The following LSAMP variants were observed in gnomAD, a reference collection of about 807,000 sequenced individuals.
LSAMP encodes limbic system-associated membrane protein.
Under a neutral mutation model 38.6 loss-of-function variants are expected in LSAMP, and 7 were observed. The observed-to-expected ratio is 0.18, with a 90% CI of 0.10 to 0.34. The LOEUF (loss-of-function observed/expected upper bound fraction) is 0.34. Ranked by LOEUF, LSAMP falls within the 10% of genes least tolerant of loss-of-function variation. LSAMP has a pLI of 1.00. For missense variants in LSAMP, 313 were observed against 420.0 expected (o/e 0.75, Z 2.23); for synonymous variants, 154 against 166.8 (o/e 0.92, Z 0.59).
chr3:116,283,342 C>G (rs1305531752), intron 1 of LSAMP, among the ~76,000 whole-genome samples: 2 of 152,132 alleles, frequency 1.3e-5, no homozygotes, highest in Non-Finnish European at 1.5e-5. Flanking sequence ...TAAACCATGA[C>G]AAGTATACAG....
intron 3 of LSAMP, among the ~76,000 whole-genome samples, chr3:115,853,211 CTCT>C (rs1426454367): frequency 6.6e-6 from 1 of 152,238 alleles, no homozygotes; most frequent in African/African-American, 2.4e-5. Context: ...GAAACCACCA[CTCT>C]TCTTCAGATT....
intron 2 of LSAMP, among the ~76,000 whole-genome samples, chr3:116,066,444 C>T (rs1707430689): frequency 6.6e-6 from 1 of 152,208 alleles, no homozygotes; most frequent in Non-Finnish European, 1.5e-5. Context: ...GTCTTCACTT[C>T]ACTTGTAAAC....
At chr3:116,438,365 G>A (rs1489213579) in intron 1 of LSAMP, among the ~76,000 whole-genome samples, 1 of 152,132 alleles carries the variant, frequency 6.6e-6, no homozygotes, top group East Asian at 1.9e-4. Context: ...AATAGCTTGT[G>A]TAGTAGGCAA....
chr3:116,242,779 T>G (rs2046555318), intron 1 of LSAMP, among the ~76,000 whole-genome samples: 1 of 151,792 alleles, frequency 6.6e-6, no homozygotes, highest in African/African-American at 2.4e-5. Flanking sequence ...AAAAAAACAC[T>G]AAAGATTGTC....
At chr3:116,374,826 C>A (rs950629543) in intron 1 of LSAMP, among the ~76,000 whole-genome samples, 3 of 151,906 alleles carry the variant, frequency 2.0e-5, no homozygotes, top group Non-Finnish European at 4.4e-5. Context: ...TGAAAGATCA[C>A]AAACTGAGCT....
intron 1 of LSAMP, among the ~76,000 whole-genome samples, chr3:116,115,578 T>C (rs1255860398): frequency 6.6e-6 from 1 of 152,302 alleles, no homozygotes; most frequent in East Asian, 1.9e-4. Flanking sequence ...ATTATTTTGG[T>C]AGAAAACATC....
intron 1 of LSAMP, among the ~76,000 whole-genome samples, chr3:116,398,692 T>C (rs910987339): frequency 5.9e-5 from 9 of 152,140 alleles, no homozygotes; most frequent in Admixed American, 5.2e-4. Context: ...GAGTCTGTAA[T>C]TTAGAAAATA....
intron 1 of LSAMP, among the ~76,000 whole-genome samples, chr3:116,335,505 A>G (rs1209912871): frequency 6.6e-6 from 1 of 152,086 alleles, no homozygotes; most frequent in Non-Finnish European, 1.5e-5. Context: ...GCACTGGCAT[A>G]TAGACAGACA....
At chr3:116,166,051 G>A (rs563114799) in intron 1 of LSAMP, among the ~76,000 whole-genome samples, 52 of 152,264 alleles carry the variant, frequency 3.4e-4, no homozygotes, top group Admixed American at 2.3e-3. Flanking sequence ...GGTGGGCCAG[G>A]GAACTTGTCT....
chr3:116,030,896 G>A (rs941004391), intron 2 of LSAMP, among the ~76,000 whole-genome samples: 2 of 151,992 alleles, frequency 1.3e-5, no homozygotes, highest in South Asian at 2.1e-4. Flanking sequence ...CTTATTCCAG[G>A]GGAAGCCAGT....
chr3:116,389,148 G>A (rs529276493), intron 1 of LSAMP, among the ~76,000 whole-genome samples: 1 of 152,270 alleles, frequency 6.6e-6, no homozygotes, highest in East Asian at 1.9e-4. Flanking sequence ...CTGACCTTGG[G>A]CCAAGACAAT....
rs576059215 is a variant in LSAMP at position 115,803,273 on chromosome 3, T to C, written c.*7044A>G. 2 of 152,194 alleles carry C rather than the reference T, an allele frequency of 1.3e-5. No individual in the cohort carries two copies. The highest frequency in any genetic ancestry group is 2.9e-5 in the Non-Finnish European group (2 of 68,040). The allele number at this position is 152,194 out of a possible 1,614,324, so 9.4% of individuals were successfully genotyped here. On this transcript the variant is annotated 3_prime_UTR_variant, in exon 7 of 7. Transcript: ENST00000490035. ...ATAAGTAATCTAAGCACATCATATA[T>C]CCTTACCTACACAAAGTGATGTGAT...
chr3:115,941,717 C>T (rs970752559), intron 3 of LSAMP, among the ~76,000 whole-genome samples: 5 of 152,046 alleles, frequency 3.3e-5, no homozygotes, highest in African/African-American at 9.7e-5. Context: ...AAATACTGTA[C>T]GTTCTCACTT....
At chr3:115,949,434 T>C in intron 3 of LSAMP, among the ~76,000 whole-genome samples, 1 of 152,050 alleles carries the variant, frequency 6.6e-6, no homozygotes, top group East Asian at 1.9e-4. Context: ...AAAAGGTCAT[T>C]CAAGGCTACT....
intron 1 of LSAMP, among the ~76,000 whole-genome samples, chr3:116,267,240 T>G (rs571573796): frequency 6.6e-6 from 1 of 152,216 alleles, no homozygotes; most frequent in East Asian, 1.9e-4. Context: ...CAATGGAATG[T>G]TAGAAATGTA....
intron 2 of LSAMP, among the ~76,000 whole-genome samples, chr3:116,083,116 G>A (rs1398750712): frequency 1.3e-5 from 2 of 152,074 alleles, no homozygotes; most frequent in African/African-American, 4.8e-5. Context: ...TGGGCTAGAG[G>A]GACCCAAAAT....
chr3:116,333,324 AG>A (rs1471610141), intron 1 of LSAMP, among the ~76,000 whole-genome samples: 3 of 152,180 alleles, frequency 2.0e-5, no homozygotes, highest in Admixed American at 6.5e-5. Context: ...GTGGATCATG[AG>A]GTCAGGAGTT....
intron 1 of LSAMP, among the ~76,000 whole-genome samples, chr3:116,260,937 A>G (rs1318269251): frequency 1.3e-5 from 2 of 152,210 alleles, no homozygotes; most frequent in African/African-American, 4.8e-5. Flanking sequence ...CACCTGGGAA[A>G]GGATGCAGCT....
intron 1 of LSAMP, among the ~76,000 whole-genome samples, chr3:116,382,857 C>G (rs545827298): frequency 6.6e-6 from 1 of 152,026 alleles, no homozygotes; most frequent in African/African-American, 2.4e-5. Flanking sequence ...AAGTGCCTTA[C>G]GATGTTGGGT....
Sources: gnomAD v4.1 joint callset for allele counts (sites outside exome capture counted in the v4.1 genomes callset) on GRCh38, gnomAD v4.1.1 for gene constraint, MANE v1.5 for transcripts, NCBI Gene and HGNC (gene_info 2026-07-23, HGNC 2026-07-21) for gene names.